Variants in GRIA1 observed in about 807,000 individuals in gnomAD.
The protein encoded by GRIA1 is glutamate receptor 1.
GRIA1 carries 31 observed loss-of-function variants against 99.2 expected under a neutral mutation model. That is an observed-to-expected ratio of 0.31 (90% confidence interval 0.23 to 0.42). The LOEUF (loss-of-function observed/expected upper bound fraction) is 0.42, where lower values mean the gene tolerates loss of function less well. Ranked by LOEUF, GRIA1 falls within the 10% of genes least tolerant of loss-of-function variation. The probability of loss-of-function intolerance (pLI) is 1.00; values close to 1 mark genes in which losing one functional copy is unlikely to be tolerated. For synonymous variants in GRIA1, 438 were observed against 432.4 expected (o/e 1.01, Z -0.16); for missense variants, 782 against 1,157.5 (o/e 0.68, Z 4.71).
At chr5:153,676,921 C>T in intron 6 of GRIA1, 73 bp from the exon 7 acceptor site, 1 of 1,252,548 alleles carries the variant, frequency 8.0e-7, no homozygotes. Context: ...AAACACATTC[C>T]CAAATACAGC....
chr5:153,650,887 T>A (rs1445599232), intron 4 of GRIA1, among the ~76,000 whole-genome samples: 2 of 97,428 alleles, frequency 2.1e-5, no homozygotes, highest in Non-Finnish European at 4.9e-5. Flanking sequence ...GGTGAAACCC[T>A]GTCTCCACTA....
intron 5 of GRIA1, among the ~76,000 whole-genome samples, chr5:153,673,571 A>G (rs1156784599): frequency 6.6e-6 from 1 of 152,190 alleles, no homozygotes; most frequent in Non-Finnish European, 1.5e-5. Context: ...CCAATGCCTA[A>G]CAGAGGCCCT....
intron 13 of GRIA1, among the ~76,000 whole-genome samples, chr5:153,777,868 C>A (rs1218201957): frequency 6.6e-6 from 1 of 152,200 alleles, no homozygotes; most frequent in South Asian, 2.1e-4. Context: ...CCTGCTGCTG[C>A]TGATAAATAC....
At chr5:153,752,004 G>A (rs893574939) in intron 11 of GRIA1, among the ~76,000 whole-genome samples, 25 of 152,170 alleles carry the variant, frequency 1.6e-4, no homozygotes, top group Admixed American at 9.8e-4. Context: ...CAGTCAGCCC[G>A]CCCCTTCCCA....
intron 2 of GRIA1, among the ~76,000 whole-genome samples, chr5:153,553,803 T>C (rs1760370536): frequency 6.6e-6 from 1 of 152,150 alleles, no homozygotes; most frequent in South Asian, 2.1e-4. Flanking sequence ...GAAACTGCCT[T>C]TCCCTGGCAC....
intron 2 of GRIA1, among the ~76,000 whole-genome samples, chr5:153,614,327 C>G (rs745324438): frequency 6.6e-6 from 1 of 152,136 alleles, no homozygotes; most frequent in Non-Finnish European, 1.5e-5. Context: ...ATAGACAGTG[C>G]CTTGTGTTTG....
chr5:153,556,707 T>C lies in GRIA1; in HGVS notation c.220+62642T>C, dbSNP rs548270240. Among the ~76,000 whole-genome samples the C allele has an allele frequency of 1.2e-4, 19 of 152,332 alleles. 1 individual carries two copies. The South Asian group carries it at 3.7e-3, about 30-fold the overall frequency. ...TTCCACTTTAAAACTTATTTAACTC[T>C]AGAGCAAGGATCTCTCACCTGAAGT... On this transcript the variant is annotated intron_variant, in intron 2 of 15. Transcript: ENST00000285900.
chr5:153,602,601 G>A lies in GRIA1; in HGVS notation c.221-44327G>A, dbSNP rs553120385. 6.7e-4 allele frequency among the ~76,000 whole-genome samples: 102 copies of A among 152,250 alleles called. 2 individuals are homozygous for A. The highest frequency in any genetic ancestry group is 6.0e-3 in the Admixed American group (92 of 15,286). ...GCTTGAATTGCTCTTAGACAGCAAT[G>A]TTCTATTCTAACACTCCCATTTGAT... On this transcript the variant is annotated intron_variant, in intron 2 of 15. Transcript: ENST00000285900.
intron 5 of GRIA1, among the ~76,000 whole-genome samples, chr5:153,662,626 C>T (rs1755453030): frequency 6.6e-6 from 1 of 152,158 alleles, no homozygotes; most frequent in South Asian, 2.1e-4. Context: ...ACTCATCTCA[C>T]CCGGCGCCTC....
intron 2 of GRIA1, among the ~76,000 whole-genome samples, chr5:153,607,228 A>G (rs1352193597): frequency 6.6e-6 from 1 of 151,496 alleles, no homozygotes; most frequent in African/African-American, 2.4e-5. Flanking sequence ...CACCTTCTAT[A>G]CTATTGACAT....
At chr5:153,780,085 GCTTTCT>G (rs1764537494) in intron 13 of GRIA1, among the ~76,000 whole-genome samples, 1 of 152,176 alleles carries the variant, frequency 6.6e-6, no homozygotes, top group Non-Finnish European at 1.5e-5. Flanking sequence ...ATTGCATGTT[GCTTTCT>G]TTTAAGAGGC....
intron 13 of GRIA1, among the ~76,000 whole-genome samples, chr5:153,773,169 A>G (rs1257571175): frequency 1.3e-5 from 2 of 152,252 alleles, no homozygotes; most frequent in Non-Finnish European, 2.9e-5. Context: ...TAACCCTTGC[A>G]ACATGACTAT....
At chr5:153,530,855 G>T (rs1758033749) in intron 2 of GRIA1, among the ~76,000 whole-genome samples, 1 of 152,220 alleles carries the variant, frequency 6.6e-6, no homozygotes, top group South Asian at 2.1e-4. Context: ...TCCAAAAATA[G>T]TTACTGAACA....
intron 12 of GRIA1, among the ~76,000 whole-genome samples, chr5:153,769,146 G>C (rs1489582256): frequency 6.6e-6 from 1 of 152,188 alleles, no homozygotes; most frequent in Non-Finnish European, 1.5e-5. Context: ...CATCCAGTGA[G>C]TGCCCCAGGC....
intron 5 of GRIA1, among the ~76,000 whole-genome samples, chr5:153,672,904 T>C (rs1030605697): frequency 1.3e-5 from 2 of 152,218 alleles, no homozygotes; most frequent in Non-Finnish European, 2.9e-5. Flanking sequence ...TTTTCCAAGA[T>C]ACGATCAATG....
intron 2 of GRIA1, among the ~76,000 whole-genome samples, chr5:153,534,490 T>C (rs1356473359): frequency 6.6e-6 from 1 of 152,194 alleles, no homozygotes; most frequent in African/African-American, 2.4e-5. Context: ...AATAGCAATT[T>C]GGAAAATCTT....
At chr5:153,719,930 T>C (rs6875355) in intron 11 of GRIA1, among the ~76,000 whole-genome samples, 30 of 152,336 alleles carry the variant, frequency 2.0e-4, no homozygotes, top group African/African-American at 7.2e-4. Context: ...ATAAAAGGCA[T>C]GTGCTCTCTC....
At chr5:153,638,690 C>T (rs1011569155) in intron 2 of GRIA1, among the ~76,000 whole-genome samples, 2 of 152,212 alleles carry the variant, frequency 1.3e-5, no homozygotes, top group Admixed American at 1.3e-4. Context: ...GGCACTTTTT[C>T]AGCTGGGGCT....
At chr5:153,509,968 A>G (rs1461174304) in intron 2 of GRIA1, among the ~76,000 whole-genome samples, 1 of 152,192 alleles carries the variant, frequency 6.6e-6, no homozygotes, top group African/African-American at 2.4e-5. Context: ...GGGATTTTGT[A>G]ATTTAGTAAG....
Sources: allele counts gnomAD v4.1 joint callset (sites outside exome capture counted in the v4.1 genomes callset), GRCh38; gene constraint gnomAD v4.1.1; transcripts MANE v1.5; gene names NCBI Gene and HGNC (gene_info 2026-07-23, HGNC 2026-07-21).